The following FBLN2 variants were observed in gnomAD, a reference collection of about 807,000 sequenced individuals.
FBLN2 encodes fibulin-2.
A neutral mutation model predicts 123.7 loss-of-function variants in FBLN2; 81 were observed. The observed-to-expected ratio is 0.65, with a 90% CI of 0.55 to 0.79. The LOEUF is 0.79. Among genes scored for constraint, FBLN2 ranks in the 30% least tolerant of loss-of-function variants. FBLN2 has a pLI of 0.00. For missense variants in FBLN2, 1,603 were observed against 1,681.3 expected, an observed-to-expected ratio of 0.95 and a Z score of 0.81; for synonymous variants, 699 against 701.4, an observed-to-expected ratio of 1.00 and a Z score of 0.05.
Position 13,618,118 on chromosome 3 carries a change from G to T in FBLN2, c.1772G>T (p.Gly591Val). 10 of 1,613,472 alleles carry T rather than the reference G, an allele frequency of 6.2e-6. 1 individual carries two copies. The highest frequency in any genetic ancestry group is 8.5e-6 in the Non-Finnish European group (10 of 1,179,902). ...GCGGGCCGAGAGGCCCTGTCACTGG[G>T]CACAGAGGCCGAGCTGCCGAACAGC... ...EMAGREALSL[G>V]TEAELPNSLP... Residue 591 changes from glycine to valine, a missense_variant, in exon 6 of 18, where the codon GGC becomes GTC. Physicochemically the swap from Gly to Val is moderately radical, Grantham distance 109. Transcript: ENST00000404922.
At chr3:13,603,749 C>T (rs1215621745) in intron 2 of FBLN2, among the ~76,000 whole-genome samples, 1 of 152,142 alleles carries the variant, frequency 6.6e-6, no homozygotes, top group Non-Finnish European at 1.5e-5. Context: ...TGGGTATATA[C>T]CCAGTAATGG....
At chr3:13,627,747 G>T in intron 10 of FBLN2, 85 bp from the exon 11 acceptor site, 1 of 1,464,212 alleles carries the variant, frequency 6.8e-7, no homozygotes. Flanking sequence ...TCATGGGTCT[G>T]AGGGCGGGGA....
chr3:13,637,915 T>G lies in FBLN2; in HGVS notation c.3692T>G (p.Leu1231Arg). ...KMHIFFTTFA[L>R] ...CACATCTTCTTCACCACCTTTGCCC[T>G]GTGAGGTGCCAGCACGGGCCACCTG... is the stretch of plus-strand genomic sequence containing the variant. Residue 1231 changes from leucine (L) to arginine (R), a missense_variant, in exon 18 of 18, where the codon CTG (leucine) becomes CGG (arginine). Transcript: ENST00000404922. The G allele has an allele frequency of 1.3e-5, 21 of 1,579,794 alleles. No individual in the cohort carries two copies. The highest frequency in any genetic ancestry group is 1.7e-5 in the Non-Finnish European group (20 of 1,159,294).
Position 13,579,985 on chromosome 3 carries a change from C to T in FBLN2, c.1306+8324C>T, listed in dbSNP as rs544169207. 5.9e-5 allele frequency among the ~76,000 whole-genome samples: 9 copies of T among 152,358 alleles called. No individual in the cohort carries two copies. In the South Asian group the frequency reaches 1.9e-3, roughly 32 times the overall value. ...CCTAGGAAACCACCTCTCTTGACTT[C>T]TAATGGCAGAGGTTAGTTTTCCTGC... On this transcript the variant is annotated intron_variant, in intron 2 of 17. Transcript: ENST00000404922.
intron 2 of FBLN2, among the ~76,000 whole-genome samples, chr3:13,587,004 T>C (rs1023111261): frequency 1.1e-4 from 16 of 151,228 alleles, no homozygotes; most frequent in African/African-American, 3.6e-4. Flanking sequence ...AATTAGCCGG[T>C]CACAGTGGCG....
chr3:13,553,258 C>T (rs768937174), intron 1 of FBLN2, among the ~76,000 whole-genome samples: 2 of 152,172 alleles, frequency 1.3e-5, no homozygotes, highest in Non-Finnish European at 2.9e-5. Flanking sequence ...GCAGAGGAGG[C>T]GCGGCCAGAC....
At chr3:13,562,101 C>G (rs1170916781) in intron 1 of FBLN2, among the ~76,000 whole-genome samples, 1 of 152,120 alleles carries the variant, frequency 6.6e-6, no homozygotes, top group East Asian at 1.9e-4. Flanking sequence ...TTTATTTTTC[C>G]CAGTGAACTA....
At chr3:13,607,126 T>C (rs1030672484) in intron 2 of FBLN2, among the ~76,000 whole-genome samples, 1 of 152,172 alleles carries the variant, frequency 6.6e-6, no homozygotes, top group East Asian at 1.9e-4. Flanking sequence ...TAGCTGGGAT[T>C]ACAGGTGCCT....
At chr3:13,614,190 G>A (rs1164893391) in intron 5 of FBLN2, 26 bp downstream of exon 5, 10 of 1,600,780 alleles carry the variant, frequency 6.2e-6, no homozygotes, top group Middle Eastern at 1.7e-4. Flanking sequence ...CCCTGGCTGC[G>A]GCATATAGGG....
In FBLN2 at chr3:13,638,011, C is replaced by T. The variant is rs141917225; in HGVS notation, c.*92C>T. ...GTCACTATTGTGGTTTTTACTATAA[C>T]TTTGTAAATTAACTTAATTTTGCTG... On this transcript the variant is annotated 3_prime_UTR_variant, in exon 18 of 18. Coordinates refer to ENST00000404922, the MANE Select transcript of FBLN2 (RefSeq NM_001004019.2). 5.4e-5 allele frequency: 65 copies of T among 1,202,030 alleles called. No homozygotes were observed. In the African/African-American group the frequency reaches 9.2e-4, roughly 17 times the overall value. 74.5% of individuals were successfully genotyped at this position (1,202,030 alleles called of 1,614,324 possible).
intron 2 of FBLN2, among the ~76,000 whole-genome samples, chr3:13,598,105 G>C (rs1704905998): frequency 6.6e-6 from 1 of 152,214 alleles, no homozygotes; most frequent in Non-Finnish European, 1.5e-5. Context: ...GGGTAGGCGT[G>C]GCTGAAGGCT....
chr3:13,582,706 G>T (rs886735875), intron 2 of FBLN2, among the ~76,000 whole-genome samples: 1 of 152,214 alleles, frequency 6.6e-6, no homozygotes, highest in Non-Finnish European at 1.5e-5. Context: ...ACAATGGGGC[G>T]GTCCTGTTAG....
At chr3:13,557,702 C>A (rs1373675524) in intron 1 of FBLN2, among the ~76,000 whole-genome samples, 1 of 152,252 alleles carries the variant, frequency 6.6e-6, no homozygotes, top group African/African-American at 2.4e-5. Flanking sequence ...GTGGATGGGG[C>A]AGGGACTCCT....
At chr3:13,621,227 CA>C (rs1362918445) in intron 8 of FBLN2, among the ~76,000 whole-genome samples, 1 of 152,274 alleles carries the variant, frequency 6.6e-6, no homozygotes, top group Admixed American at 6.5e-5. Flanking sequence ...AACTCTGCTG[CA>C]TTGGAAATAA....
At chr3:13,580,031 A>C (rs1274880331) in intron 2 of FBLN2, among the ~76,000 whole-genome samples, 1 of 152,168 alleles carries the variant, frequency 6.6e-6, no homozygotes, top group South Asian at 2.1e-4. Flanking sequence ...TTATAAATGA[A>C]TGACCGTGCC....
chr3:13,566,575 C>A (rs556273838), intron 1 of FBLN2: 40 of 152,448 alleles, frequency 2.6e-4, no homozygotes, highest in African/African-American at 9.1e-4. Flanking sequence ...GGCCCCCTCA[C>A]CACGTGGGCC....
At position 13,637,828 on chromosome 3, in the gene FBLN2, C is replaced by T. The variant is rs373511143; in HGVS notation, c.3605C>T (p.Ala1202Val). 1.2e-6 allele frequency: 2 copies of T among 1,613,618 alleles called. No homozygotes were observed. The highest frequency in any genetic ancestry group is 1.7e-6 in the Non-Finnish European group (2 of 1,179,630). Reference protein sequence around the residue: ...QRAVLEPRDFALDVEMKLWRQ... With the variant: ...QRAVLEPRDFVLDVEMKLWRQ... Reference sequence around the variant, plus strand: ...GCCGTGCTGGAGCCCCGGGACTTTGCCCTGGACGTGGAGATGAAGCTCTGG... The same window carrying T: ...GCCGTGCTGGAGCCCCGGGACTTTGTCCTGGACGTGGAGATGAAGCTCTGG... Residue 1202 changes from alanine to valine, a missense_variant, in exon 18 of 18, where the codon GCC becomes GTC. Transcript: ENST00000404922.
chr3:13,619,784 C>T lies in FBLN2; in HGVS notation c.2108C>T (p.Ser703Phe), dbSNP rs753627728. ...ACTGTTGGGGGCTCAGCCATATGCT[C>T]CTGTTTTCCCGGCTATGCCATCATG... Reference protein sequence around the residue: ...CSTVGGSAICSCFPGYAIMAD... With the variant: ...CSTVGGSAICFCFPGYAIMAD... The change falls in exon 8 of 18, where the codon TCC becomes TTC. Residue 703 changes from serine (S) to phenylalanine (F), a missense_variant. Coordinates refer to ENST00000404922, the MANE Select transcript of FBLN2 (RefSeq NM_001004019.2). 7.4e-6 allele frequency: 12 copies of T among 1,613,010 alleles called. No individual in the cohort carries two copies. The highest frequency in any genetic ancestry group is 1.7e-4 in the Middle Eastern group (1 of 6,058).
Position 13,637,830 on chromosome 3 carries a change from C to A in FBLN2, c.3607C>A (p.Leu1203Met). Reference sequence around the variant, plus strand: ...CGTGCTGGAGCCCCGGGACTTTGCCCTGGACGTGGAGATGAAGCTCTGGAG... The same window carrying A: ...CGTGCTGGAGCCCCGGGACTTTGCCATGGACGTGGAGATGAAGCTCTGGAG... ...RAVLEPRDFA[L>M]DVEMKLWRQG... The change falls in exon 18 of 18, where the codon CTG (leucine) becomes ATG (methionine). Residue 1203 changes from leucine to methionine, a missense_variant. By Grantham distance (15) the Leu-to-Met change is conservative. Coordinates refer to ENST00000404922, the MANE Select transcript of FBLN2 (RefSeq NM_001004019.2). 6.2e-7 allele frequency: 1 copy of A among 1,613,642 alleles called. No individual in the cohort carries two copies. The highest frequency in any genetic ancestry group is 8.5e-7 in the Non-Finnish European group (1 of 1,179,648).
Sources: allele counts gnomAD v4.1 joint callset (sites outside exome capture counted in the v4.1 genomes callset), GRCh38; gene constraint gnomAD v4.1.1; transcripts MANE v1.5; gene names NCBI Gene and HGNC (gene_info 2026-07-23, HGNC 2026-07-21).